QSOX2: variants seen among roughly 807,000 people sequenced by gnomAD.
QSOX2 encodes sulfhydryl oxidase 2.
In QSOX2, 46 loss-of-function variants were observed where a neutral mutation model predicts 61.7. The observed-to-expected ratio is 0.75, with a 90% CI of 0.59 to 0.95. The LOEUF (loss-of-function observed/expected upper bound fraction) is 0.95. Among genes scored for constraint, QSOX2 ranks in the 40% least tolerant of loss-of-function variants. The probability of loss-of-function intolerance (pLI) is 0.00; values close to 1 mark genes in which losing one functional copy is unlikely to be tolerated. For missense variants in QSOX2, 879 were observed against 918.9 expected (o/e 0.96, Z 0.56); for synonymous variants, 383 against 388.4 (o/e 0.99, Z 0.16).
intron 1 of QSOX2, among the ~76,000 whole-genome samples, chr9:136,237,666 GGCCT>G (rs1282919878): frequency 1.6e-5 from 2 of 125,220 alleles, no homozygotes; most frequent in Admixed American, 8.7e-5. Context: ...GCCCGTCCTG[GGCCT>G]GCATCACCTG....
intron 1 of QSOX2, among the ~76,000 whole-genome samples, chr9:136,232,389 AT>A (rs1211525264): frequency 1.3e-5 from 2 of 152,216 alleles, no homozygotes; most frequent in Admixed American, 6.5e-5. Flanking sequence ...GTATTGGGAA[AT>A]TTTTTGGAGA....
chr9:136,211,143 G>A (rs1831838799), intron 11 of QSOX2, 121 bp downstream of exon 11: 1 of 1,088,624 alleles, frequency 9.2e-7, no homozygotes, highest in Admixed American at 2.3e-5. Flanking sequence ...TCAGCACAGT[G>A]GGTGGCACGA....
rs781617567 is a variant in QSOX2, at chr9:136,216,706, G to A, written c.1103C>T (p.Pro368Leu). The change falls in exon 9 of 12, where the codon CCG becomes CTG. Residue 368 changes from proline (P) to leucine (L), a missense_variant. Transcript: ENST00000358701. ...CATCTCCAACAGCTTCTTGACTGGC[G>A]GCCGTCCAGGGAACAGCTGCATGAG... Reference protein sequence around the residue: ...TVLAKLFPGRPPVKKLLEMLQ... With the variant: ...TVLAKLFPGRLPVKKLLEMLQ... 3.7e-5 allele frequency: 60 copies of A among 1,613,504 alleles called. No individual in the cohort carries two copies. Among genetic ancestry groups the A allele is most frequent in the East Asian group, 3.1e-4 (14 of 44,880 alleles).
chr9:136,217,873 C>T (rs1831932799), intron 8 of QSOX2, among the ~76,000 whole-genome samples: 1 of 152,234 alleles, frequency 6.6e-6, no homozygotes, highest in African/African-American at 2.4e-5. Context: ...GAAAAAGCTG[C>T]CTGGGCAATG....
chr9:136,218,538 G>A, intron 8 of QSOX2, 141 bp downstream of exon 8: 1 of 987,988 alleles, frequency 1.0e-6, no homozygotes, highest in South Asian at 1.7e-5. Flanking sequence ...AATGAGTTGG[G>A]GCGTGGGCCT....
At chr9:136,234,435 C>A (rs1015932627) in intron 1 of QSOX2, among the ~76,000 whole-genome samples, 5 of 152,176 alleles carry the variant, frequency 3.3e-5, no homozygotes, top group African/African-American at 9.7e-5. Flanking sequence ...TCTAACTGAG[C>A]CCCTGGAGGG....
At position 136,209,083 on chromosome 9, in the gene QSOX2, C is replaced by G. The variant is rs765116169; in HGVS notation, c.1742G>C (p.Gly581Ala). The change falls in exon 12 of 12, where the codon GGA (glycine) becomes GCA (alanine). Residue 581 changes from glycine (G) to alanine (A), a missense_variant. Transcript: ENST00000358701. This position sits in a 1 kb window ranked among gnomAD's most constrained non-coding sequence, Gnocchi z 5.6. Reference sequence around the variant, plus strand: ...TTCCTCACCCCTGGCCAGGGTTCCTCCTTCACTGGAATCCCCCTGGTCTGC... The same window carrying G: ...TTCCTCACCCCTGGCCAGGGTTCCTGCTTCACTGGAATCCCCCTGGTCTGC... ...YSADQGDSSE[G>A]GTLARGEEEE... The G allele has an allele frequency of 1.9e-6, 3 of 1,614,170 alleles. No individual in the cohort carries two copies. Among genetic ancestry groups the G allele is most frequent in the Non-Finnish European group, 2.5e-6 (3 of 1,180,026 alleles).
chr9:136,211,449 A>C lies in QSOX2; in HGVS notation c.1364T>G (p.Phe455Cys). The change falls in exon 11 of 12, where the codon TTT becomes TGT. Residue 455 changes from phenylalanine (F) to cysteine (C), a missense_variant. Transcript: ENST00000358701. ...THPDALVGTG[F>C]EDDPQAVLQT... ...CAGCACAGCCTGGGGGTCGTCTTCA[A>C]AGCCTGCAGGGGAAGAAACACTGCT... 6.2e-7 allele frequency: 1 copy of C among 1,613,542 alleles called. No individual in the cohort carries two copies. Among genetic ancestry groups the C allele is most frequent in the Non-Finnish European group, 8.5e-7 (1 of 1,179,554 alleles).
rs1236992416 is a variant in QSOX2, at chr9:136,208,553, C to T, written c.*175G>A. On this transcript the variant is annotated 3_prime_UTR_variant, in exon 12 of 12. Transcript: ENST00000358701. The stretch of plus-strand genomic sequence containing the variant: ...CCCACAAAATTACCCCGTGTTCTTC[C>T]CTTGTTAGAAGAGCGTTTGTAAAAC... 4 of 684,976 alleles carry T rather than the reference C, an allele frequency of 5.8e-6. No homozygotes were observed. In the Admixed American group the frequency reaches 1.3e-4, roughly 22 times the overall value. 42.4% of individuals were successfully genotyped at this position (684,976 alleles called of 1,614,324 possible).
rs1831797288 is a variant in QSOX2 at position 136,208,282 on chromosome 9, C to CAGG, written c.*445_*446insCCT. The CAGG allele has an allele frequency of 5.2e-4, 4 of 7,680 alleles. No individual in the cohort carries two copies. The highest frequency in any genetic ancestry group is 3.4e-3 in the Admixed American group (3 of 884). 0.5% of individuals were successfully genotyped at this position (7,680 alleles called of 1,614,324 possible). On this transcript the variant is annotated 3_prime_UTR_variant, in exon 12 of 12. Transcript: ENST00000358701. ...GTGGGGGGAGCGGGGGGAGGGGGAG[C>CAGG]GAGGGGAGTGGGGGGGAGCCAGGAG...
chr9:136,217,094 C>A (rs1831923028), intron 8 of QSOX2, among the ~76,000 whole-genome samples: 1 of 152,268 alleles, frequency 6.6e-6, no homozygotes, highest in African/African-American at 2.4e-5. Flanking sequence ...TCACGAGGAG[C>A]TGTGCTGACC....
chr9:136,224,966 G>T, intron 2 of QSOX2, 57 bp from the exon 3 acceptor site: 3 of 1,356,400 alleles, frequency 2.2e-6, no homozygotes, highest in Non-Finnish European at 3.1e-6. Flanking sequence ...ATCTGCATGT[G>T]TTTAAGCAAC....
chr9:136,236,525 A>T (rs1358273905), intron 1 of QSOX2, among the ~76,000 whole-genome samples: 4 of 152,204 alleles, frequency 2.6e-5, no homozygotes, highest in Admixed American at 2.6e-4. Flanking sequence ...CTGCAGCATC[A>T]CCCAAACCAC....
At position 136,224,477 on chromosome 9, in the gene QSOX2, G is replaced by A. The variant is rs114463711; in HGVS notation, c.479-365C>T. ...GAGGAGCAGGCCAGGCAGCTCCACC[G>A]GGTCCCTCACAGGCAGAGCCCCCCA... On this transcript the variant is annotated intron_variant, in intron 3 of 11. Transcript: ENST00000358701. 3.0e-3 allele frequency among the ~76,000 whole-genome samples: 461 copies of A among 152,294 alleles called. 1 individual carries two copies. Among genetic ancestry groups the A allele is most frequent in the African/African-American group, 1.0e-2 (414 of 41,564 alleles).
At position 136,219,087 on chromosome 9, in the gene QSOX2, G is replaced by A; in HGVS notation, c.899C>T (p.Pro300Leu). Residue 300 changes from proline (P) to leucine (L), a missense_variant, in exon 7 of 12, where the codon CCT (proline) becomes CTT (leucine). Physicochemically the swap from Pro to Leu is moderately conservative, Grantham distance 98. Transcript: ENST00000358701. ...ATTTTCTTCTTTGTGTGGCTTTTCA[G>A]GCAAGGGAAGCGATTTTTTCCTCAC... Reference protein sequence around the residue: ...PDVRKKSLPLPEKPHKEENSE... With the variant: ...PDVRKKSLPLLEKPHKEENSE... 1.2e-6 allele frequency: 2 copies of A among 1,614,144 alleles called. No individual in the cohort carries two copies. Among genetic ancestry groups the A allele is most frequent in the Non-Finnish European group, 1.7e-6 (2 of 1,180,032 alleles).
At position 136,209,081 on chromosome 9, in the gene QSOX2, C is replaced by T. The variant is rs1177440551; in HGVS notation, c.1744G>A (p.Gly582Arg). 4 of 1,614,086 alleles carry T rather than the reference C, an allele frequency of 2.5e-6. No homozygotes were observed. The highest frequency in any genetic ancestry group is 3.4e-6 in the Non-Finnish European group (4 of 1,180,036). Reference sequence around the variant, plus strand: ...TCTTCCTCACCCCTGGCCAGGGTTCCTCCTTCACTGGAATCCCCCTGGTCT... The same window carrying T: ...TCTTCCTCACCCCTGGCCAGGGTTCTTCCTTCACTGGAATCCCCCTGGTCT... ...SADQGDSSEGGTLARGEEEEK... is the reference protein window; with the variant it reads ...SADQGDSSEGRTLARGEEEEK... Residue 582 changes from glycine (G) to arginine (R), a missense_variant, in exon 12 of 12, where the codon GGA (glycine) becomes AGA (arginine). Gly to Arg is a moderately radical substitution (Grantham distance 125). Transcript: ENST00000358701. This position sits in a 1 kb window ranked among gnomAD's most constrained non-coding sequence, Gnocchi z 5.6.
At position 136,208,935 on chromosome 9, in the gene QSOX2, G is replaced by A. The variant is rs202117531; in HGVS notation, c.1890C>T (p.Asp630=). The part of the protein sequence containing the change: ...ALPESLHHSL[D]GKLQSLDGPG... ...GCCCATCCAGACTCTGGAGTTTCCCGTCCAAGCTGTGATGCAAGCTCTCTG... is the reference window on the plus strand; with the variant it reads ...GCCCATCCAGACTCTGGAGTTTCCCATCCAAGCTGTGATGCAAGCTCTCTG... Residue 630 remains aspartate, a synonymous_variant, in exon 12 of 12, where the codon GAC becomes GAT. Transcript: ENST00000358701. The A allele has an allele frequency of 2.6e-5, 42 of 1,613,736 alleles. No individual in the cohort carries two copies. Among genetic ancestry groups the A allele is most frequent in the Middle Eastern group, 1.7e-4 (1 of 6,060 alleles).
chr9:136,223,725 A>T lies in QSOX2; in HGVS notation c.675+38T>A, dbSNP rs759236877. The T allele has an allele frequency of 6.5e-7, 1 of 1,546,012 alleles. No homozygotes were observed. Among genetic ancestry groups the T allele is most frequent in the South Asian group, 1.1e-5 (1 of 88,992 alleles). Reference sequence around the variant, plus strand: ...CAGATCCACCGCCAACCCCAATCACACCACGTGTGACACCTGGAGCCCACG... The same window carrying T: ...CAGATCCACCGCCAACCCCAATCACTCCACGTGTGACACCTGGAGCCCACG... On this transcript the variant is annotated intron_variant, in intron 5 of 11. Coordinates refer to ENST00000358701, the MANE Select transcript of QSOX2 (RefSeq NM_181701.4). The surrounding 1 kb of genome is among the most constrained non-coding windows in gnomAD (Gnocchi z 4.4).
intron 1 of QSOX2, among the ~76,000 whole-genome samples, chr9:136,233,258 T>C (rs1020211930): frequency 6.6e-6 from 1 of 152,198 alleles, no homozygotes; most frequent in Non-Finnish European, 1.5e-5. Context: ...GCTTTGTCCC[T>C]GAAGCCAGGA....
Sources: allele counts gnomAD v4.1 joint callset (sites outside exome capture counted in the v4.1 genomes callset), GRCh38; gene constraint gnomAD v4.1.1; non-coding constraint Gnocchi (gnomAD v3.1); transcripts MANE v1.5; gene names NCBI Gene and HGNC (gene_info 2026-07-23, HGNC 2026-07-21).